AGBL4: variants seen among roughly 807,000 people sequenced by gnomAD.
The protein encoded by AGBL4 is cytosolic carboxypeptidase 6.
In AGBL4, 58 loss-of-function variants were observed where a neutral mutation model predicts 66.4. The observed-to-expected ratio is 0.87, with a 90% confidence interval of 0.71 to 1.09. The LOEUF (loss-of-function observed/expected upper bound fraction) is 1.09, where lower values mean the gene tolerates loss of function less well. AGBL4 is among the 50% of genes least tolerant of loss of function. The probability of loss-of-function intolerance (pLI) is 0.00; values close to 1 mark genes in which losing one functional copy is unlikely to be tolerated. For synonymous variants in AGBL4, 234 were observed against 222.9 expected (o/e 1.05, Z -0.44); for missense variants, 579 against 631.0 (o/e 0.92, Z 0.88).
At chr1:50,013,232 C>T (rs1330146525) in intron 1 of AGBL4, among the ~76,000 whole-genome samples, 1 of 152,110 alleles carries the variant, frequency 6.6e-6, no homozygotes, top group Non-Finnish European at 1.5e-5. Context: ...TGTCTTAGGG[C>T]TTTATTAAAT....
chr1:49,913,369 G>C (rs2148216236), intron 1 of AGBL4, among the ~76,000 whole-genome samples: 1 of 152,364 alleles, frequency 6.6e-6, no homozygotes, highest in Non-Finnish European at 1.5e-5. Context: ...AAACTCAACA[G>C]GGCAAACAAC....
intron 4 of AGBL4, among the ~76,000 whole-genome samples, chr1:49,098,010 A>T (rs1645137621): frequency 1.3e-5 from 2 of 152,244 alleles, no homozygotes; most frequent in South Asian, 4.1e-4. Flanking sequence ...GATGTAATGG[A>T]GTTATGACAT....
chr1:48,747,433 CT>C (rs1650944257), intron 6 of AGBL4, among the ~76,000 whole-genome samples: 1 of 152,202 alleles, frequency 6.6e-6, no homozygotes, highest in South Asian at 2.1e-4. Context: ...CACACAACCC[CT>C]GACTGCATAT....
At chr1:49,516,326 C>T (rs997383485) in intron 3 of AGBL4, among the ~76,000 whole-genome samples, 1 of 151,904 alleles carries the variant, frequency 6.6e-6, no homozygotes, top group African/African-American at 2.4e-5. Context: ...ACTAATTCAG[C>T]CTGGAAGATC....
intron 5 of AGBL4, among the ~76,000 whole-genome samples, chr1:48,921,434 C>G (rs531697731): frequency 6.6e-6 from 1 of 152,138 alleles, no homozygotes; most frequent in Admixed American, 6.6e-5. Flanking sequence ...TAAAGCGATA[C>G]GGTAGGTAAT....
chr1:49,738,179 G>A (rs960091081), intron 2 of AGBL4, among the ~76,000 whole-genome samples: 1 of 152,204 alleles, frequency 6.6e-6, no homozygotes, highest in African/African-American at 2.4e-5. Flanking sequence ...GTGACTGAAG[G>A]CACCTGGAAA....
chr1:49,139,833 G>C (rs1174925056), intron 4 of AGBL4, among the ~76,000 whole-genome samples: 1 of 152,052 alleles, frequency 6.6e-6, no homozygotes, highest in African/African-American at 2.4e-5. Context: ...TTTGGAAATA[G>C]CAATGATGCA....
intron 5 of AGBL4, among the ~76,000 whole-genome samples, chr1:48,997,170 G>T (rs536726368): frequency 6.6e-6 from 1 of 152,088 alleles, no homozygotes; most frequent in African/African-American, 2.4e-5. Flanking sequence ...TGATCCACCC[G>T]CCTTGGCCTC....
chr1:49,001,416 G>T (rs1356660560), intron 5 of AGBL4, among the ~76,000 whole-genome samples: 1 of 152,198 alleles, frequency 6.6e-6, no homozygotes, highest in Non-Finnish European at 1.5e-5. Flanking sequence ...ACATTCGAAT[G>T]CAAGTTCAGG....
At chr1:49,275,000 C>A (rs936697111) in intron 3 of AGBL4, among the ~76,000 whole-genome samples, 2 of 152,128 alleles carry the variant, frequency 1.3e-5, no homozygotes, top group African/African-American at 4.8e-5. Context: ...CACATAATTT[C>A]TCCAGAATTT....
At chr1:48,742,857 AT>A (rs1191037760) in intron 6 of AGBL4, 2 of 1,335,112 alleles carry the variant, frequency 1.5e-6, no homozygotes, top group Non-Finnish European at 2.0e-6. Context: ...TCAGCACACC[AT>A]GGCACAAAAA....
chr1:48,586,103 A>C (rs1644815122), intron 11 of AGBL4: 1 of 152,254 alleles, frequency 6.6e-6, no homozygotes. Context: ...GGAAAGCAGA[A>C]TCTGCCACGA....
chr1:48,724,673 G>T (rs1336339588), intron 6 of AGBL4, among the ~76,000 whole-genome samples: 3 of 151,970 alleles, frequency 2.0e-5, no homozygotes, highest in African/African-American at 4.8e-5. Context: ...CAGTTTGGGG[G>T]GTATTTCCTA....
intron 5 of AGBL4, among the ~76,000 whole-genome samples, chr1:49,027,177 T>C (rs1417079973): frequency 6.6e-6 from 1 of 152,140 alleles, no homozygotes; most frequent in Admixed American, 6.5e-5. Flanking sequence ...TTTTCTTTTT[T>C]GAGACGGAGT....
intron 2 of AGBL4, chr1:49,842,473 C>A: frequency 1.1e-6 from 1 of 946,208 alleles, no homozygotes; most frequent in Non-Finnish European, 1.3e-6. Flanking sequence ...TCTAATTCTT[C>A]AGAGCAAATT....
In AGBL4 at chr1:49,752,432, C is replaced by T. The variant is rs190233570; in HGVS notation, c.158-54995G>A. Among the ~76,000 whole-genome samples, 379 of 152,258 alleles carry T rather than the reference C, an allele frequency of 2.5e-3. 1 individual carries two copies. The highest frequency in any genetic ancestry group is 2.7e-3 in the Non-Finnish European group (183 of 68,024). On this transcript the variant is annotated intron_variant, in intron 2 of 13. Coordinates refer to ENST00000371839, the MANE Select transcript of AGBL4 (RefSeq NM_032785.4). Reference sequence around the variant, plus strand: ...AGTTCCAATTTGATTGCACTGTGGTCTGAGAGACTGTTTCTTATGATTTCT... The same window carrying T: ...AGTTCCAATTTGATTGCACTGTGGTTTGAGAGACTGTTTCTTATGATTTCT...
At chr1:48,644,010 A>G (rs1025624781) in intron 8 of AGBL4, among the ~76,000 whole-genome samples, 2 of 152,142 alleles carry the variant, frequency 1.3e-5, no homozygotes, top group Non-Finnish European at 2.9e-5. Flanking sequence ...TATCAATAAT[A>G]AAGCTAATAT....
chr1:48,700,748 C>G (rs1299661395), intron 6 of AGBL4, among the ~76,000 whole-genome samples: 10 of 152,206 alleles, frequency 6.6e-5, no homozygotes, highest in Admixed American at 6.5e-4. Context: ...CTCATATACA[C>G]TACCTCATCT....
At chr1:49,802,480 A>G (rs1644885305) in intron 2 of AGBL4, among the ~76,000 whole-genome samples, 1 of 152,182 alleles carries the variant, frequency 6.6e-6, no homozygotes, top group South Asian at 2.1e-4. Flanking sequence ...TAGGTTATGG[A>G]AAAACTGTGT....
Sources: allele counts gnomAD v4.1 joint callset (sites outside exome capture counted in the v4.1 genomes callset), GRCh38; gene constraint gnomAD v4.1.1; transcripts MANE v1.5; gene names NCBI Gene and HGNC (gene_info 2026-07-23, HGNC 2026-07-21).